Variants in ADAMTSL1 observed in about 807,000 individuals in gnomAD.
ADAMTSL1 encodes ADAMTS like 1.
A neutral mutation model predicts 201.8 loss-of-function variants in ADAMTSL1; 126 were observed. The observed-to-expected ratio is 0.62, with a 90% confidence interval of 0.54 to 0.72. The LOEUF (loss-of-function observed/expected upper bound fraction) is 0.72, where lower values mean the gene tolerates loss of function less well. Ranked by LOEUF, ADAMTSL1 falls within the 30% of genes least tolerant of loss-of-function variation. The pLI is 0.00. For missense variants in ADAMTSL1, 2,679 were observed against 2,277.8 expected (o/e 1.18, Z -3.59); for synonymous variants, 1,121 against 903.4 (o/e 1.24, Z -4.32).
intron 3 of ADAMTSL1, among the ~76,000 whole-genome samples, chr9:18,568,666 G>T (rs1483396520): frequency 1.3e-5 from 2 of 152,050 alleles, no homozygotes; most frequent in Admixed American, 1.3e-4. Flanking sequence ...GGACAGTGTG[G>T]AGGGGCAGTA....
At chr9:18,815,738 G>GA (rs1268709164) in intron 20 of ADAMTSL1, among the ~76,000 whole-genome samples, 19 of 122,942 alleles carry the variant, frequency 1.5e-4, no homozygotes, top group South Asian at 2.7e-4. Context: ...AAAAAAAAGA[G>GA]AAAAAAAAAA....
At chr9:18,624,928 G>C (rs7027296) in intron 5 of ADAMTSL1, among the ~76,000 whole-genome samples, 26,140 of 152,210 alleles carry the variant, frequency 0.17, 2,352 homozygotes, top group Middle Eastern at 0.23. Flanking sequence ...GATGTCTCAT[G>C]ACAAAATGAT....
At chr9:18,033,061 C>A (rs995446330) in intron 1 of ADAMTSL1, among the ~76,000 whole-genome samples, 2 of 152,124 alleles carry the variant, frequency 1.3e-5, no homozygotes, top group Non-Finnish European at 2.9e-5. Flanking sequence ...GCCATCTTGT[C>A]CCTTCCCAAT....
intron 2 of ADAMTSL1, among the ~76,000 whole-genome samples, chr9:18,274,726 A>T (rs1459363897): frequency 6.6e-6 from 1 of 152,180 alleles, no homozygotes; most frequent in African/African-American, 2.4e-5. Flanking sequence ...AAAAACTAAA[A>T]TGAGGCAAAT....
chr9:18,322,459 C>A (rs1415492318), intron 2 of ADAMTSL1, among the ~76,000 whole-genome samples: 1 of 151,986 alleles, frequency 6.6e-6, no homozygotes, highest in Non-Finnish European at 1.5e-5. Flanking sequence ...ATGGTGAAAC[C>A]CCGTCTCTAC....
chr9:18,070,436 TG>T (rs1383961691), intron 1 of ADAMTSL1, among the ~76,000 whole-genome samples: 1 of 152,168 alleles, frequency 6.6e-6, no homozygotes, highest in Non-Finnish European at 1.5e-5. Context: ...TCAAGAATTT[TG>T]CCTGGGGACG....
chr9:18,424,390 C>T (rs1392639765), intron 2 of ADAMTSL1, among the ~76,000 whole-genome samples: 2 of 152,206 alleles, frequency 1.3e-5, no homozygotes, highest in Non-Finnish European at 2.9e-5. Context: ...GAATCTTATA[C>T]AGTCCCCATG....
At chr9:18,784,318 T>C (rs1563798754) in intron 19 of ADAMTSL1, among the ~76,000 whole-genome samples, 1 of 152,232 alleles carries the variant, frequency 6.6e-6, no homozygotes, top group Non-Finnish European at 1.5e-5. Flanking sequence ...AGGGCCTATA[T>C]TTAAGAATGT....
chr9:18,316,455 G>A (rs1014528041), intron 2 of ADAMTSL1, among the ~76,000 whole-genome samples: 4 of 152,056 alleles, frequency 2.6e-5, no homozygotes, highest in Non-Finnish European at 5.9e-5. Flanking sequence ...ATACCTCCAG[G>A]CGTGTATTCT....
At chr9:18,045,653 C>T (rs1174253643) in intron 1 of ADAMTSL1, among the ~76,000 whole-genome samples, 4 of 152,046 alleles carry the variant, frequency 2.6e-5, no homozygotes, top group East Asian at 1.9e-4. Context: ...CCATAGCTTT[C>T]GGCAGTGAAT....
At chr9:18,714,153 A>G (rs1832773954) in intron 14 of ADAMTSL1, among the ~76,000 whole-genome samples, 1 of 152,234 alleles carries the variant, frequency 6.6e-6, no homozygotes, top group African/African-American at 2.4e-5. Flanking sequence ...AGCACAAAAG[A>G]TCCAAAATTG....
rs924869542 is a variant in ADAMTSL1, at chr9:18,908,075, G to A, written c.5183-367G>A. 3.3e-5 allele frequency: 9 copies of A among 271,364 alleles called. No individual in the cohort carries two copies. In the Admixed American group the frequency reaches 4.0e-4, roughly 12 times the overall value. 16.8% of individuals were successfully genotyped at this position (271,364 alleles called of 1,614,324 possible). ...ATTTACTTAAAATACCAAAACCCAC[G>A]GGAAAAGGCAGGTTTGCCTAGGGGG... On this transcript the variant is annotated intron_variant, in intron 28 of 28. Coordinates refer to ENST00000380548, the MANE Select transcript of ADAMTSL1 (RefSeq NM_001040272.6).
chr9:18,818,994 C>A (rs915851768), intron 21 of ADAMTSL1, among the ~76,000 whole-genome samples: 1 of 152,060 alleles, frequency 6.6e-6, no homozygotes, highest in Non-Finnish European at 1.5e-5. Context: ...AATGAGCTAC[C>A]CCTCTGTGCA....
intron 1 of ADAMTSL1, among the ~76,000 whole-genome samples, chr9:17,919,974 C>T (rs1323141547): frequency 6.6e-6 from 1 of 152,120 alleles, no homozygotes; most frequent in South Asian, 2.1e-4. Flanking sequence ...CACATCCTCA[C>T]TATCACTTAT....
intron 13 of ADAMTSL1, among the ~76,000 whole-genome samples, chr9:18,698,379 G>C (rs1831698563): frequency 1.3e-5 from 2 of 152,142 alleles, no homozygotes; most frequent in Admixed American, 1.3e-4. Context: ...CACCTCCTGA[G>C]TTCAAGTGAT....
chr9:18,423,899 G>A (rs1372171130), intron 2 of ADAMTSL1, among the ~76,000 whole-genome samples: 4 of 152,156 alleles, frequency 2.6e-5, no homozygotes, highest in African/African-American at 4.8e-5. Flanking sequence ...TTTCCAGTAT[G>A]AGATTAAGAT....
At chr9:18,086,447 TA>T (rs751626191) in intron 1 of ADAMTSL1, among the ~76,000 whole-genome samples, 5 of 152,212 alleles carry the variant, frequency 3.3e-5, no homozygotes, top group African/African-American at 7.2e-5. Context: ...TCAATTTCTT[TA>T]AGAGCCATCA....
At chr9:18,222,098 C>A (rs1830281647) in intron 2 of ADAMTSL1, among the ~76,000 whole-genome samples, 1 of 151,860 alleles carries the variant, frequency 6.6e-6, no homozygotes, top group Non-Finnish European at 1.5e-5. Context: ...AAATGGCTAT[C>A]TATGATTTTG....
At chr9:18,344,708 C>T (rs1835623168) in intron 2 of ADAMTSL1, among the ~76,000 whole-genome samples, 1 of 152,094 alleles carries the variant, frequency 6.6e-6, no homozygotes, top group South Asian at 2.1e-4. Context: ...AAGCAAAATC[C>T]TGGGGCAGAC....
Sources: gnomAD v4.1 joint callset for allele counts (sites outside exome capture counted in the v4.1 genomes callset) on GRCh38, gnomAD v4.1.1 for gene constraint, MANE v1.5 for transcripts, NCBI Gene and HGNC (gene_info 2026-07-23, HGNC 2026-07-21) for gene names.